Variants in GALNT2 observed in about 807,000 individuals in gnomAD.
GALNT2 encodes the protein UDP-GalNAc:polypeptide N-acetylgalactosaminyltransferase 2.
In GALNT2, 31 loss-of-function variants were observed where a neutral mutation model predicts 81.4. That is an observed-to-expected ratio of 0.38 (90% CI 0.29 to 0.51). The LOEUF (loss-of-function observed/expected upper bound fraction) is 0.51, where lower values mean the gene tolerates loss of function less well. GALNT2 is among the 20% of genes least tolerant of loss of function. The pLI, the probability that GALNT2 is intolerant of heterozygous loss-of-function variation, is 0.87. For synonymous variants in GALNT2, 303 were observed against 287.4 expected (o/e 1.05, Z -0.55); for missense variants, 629 against 765.7 (o/e 0.82, Z 2.11).
chr1:230,268,772 G>A (rs1666098130), intron 14 of GALNT2, among the ~76,000 whole-genome samples: 1 of 152,208 alleles, frequency 6.6e-6, no homozygotes, highest in African/African-American at 2.4e-5. Context: ...GCCCTCAGGA[G>A]GACAGCCTGT....
At position 230,257,033 on chromosome 1, in the gene GALNT2, G is replaced by A. The variant is rs973364439; in HGVS notation, c.1136+1689G>A. Among the ~76,000 whole-genome samples, 1 of 152,210 alleles carries A rather than the reference G, an allele frequency of 6.6e-6. No homozygotes were observed. Among genetic ancestry groups the A allele is most frequent in the African/African-American group, 2.4e-5 (1 of 41,462 alleles). On this transcript the variant is annotated intron_variant, in intron 11 of 15. Transcript: ENST00000366672. This position sits in a 1 kb window ranked among gnomAD's most constrained non-coding sequence, Gnocchi z 4.6. ...GATCCAGGCTGCTGAGGTGCGTTTG[G>A]CATATCAGCCAAATGGAAGCCAAGG...
At chr1:230,264,972 CAAAAAAAAAAAAA>C in intron 13 of GALNT2, 1 of 167,472 alleles carries the variant, frequency 6.0e-6, no homozygotes, top group Non-Finnish European at 1.2e-5. Flanking sequence ...CCTTCCTTTC[CAAAAAAAAAAAAA>C]AAAAAAAATG....
chr1:230,186,919 A>G (rs1015712179), intron 2 of GALNT2, among the ~76,000 whole-genome samples: 2 of 152,228 alleles, frequency 1.3e-5, no homozygotes, highest in African/African-American at 2.4e-5. Context: ...TTTTGTTGTT[A>G]GAAATTATTT....
rs1659225981 is a variant in GALNT2 at position 230,067,371 on chromosome 1, C to A, written c.91C>A (p.Leu31Met). Residue 31 changes from leucine (L) to methionine (M), a missense_variant, in exon 1 of 16, where the codon CTG becomes ATG. Physicochemically the swap from Leu to Met is conservative, Grantham distance 15 (BLOSUM62 2). Coordinates refer to ENST00000366672, the MANE Select transcript of GALNT2 (RefSeq NM_004481.5). ...CATGTACTCGGGGGGCGGCTCTGCG[C>A]TGGCCGGGGGCGCGGGCGGCGGCGC... ...YYMYSGGGSA[L>M]AGGAGGGAGR... 7.5e-7 allele frequency: 1 copy of A among 1,327,076 alleles called. No homozygotes were observed. The highest frequency in any genetic ancestry group is 9.7e-7 in the Non-Finnish European group (1 of 1,030,048). The allele number at this position is 1,327,076 out of a possible 1,614,324, so 82.2% of individuals were successfully genotyped here.
chr1:230,102,882 G>A (rs1317062924), intron 1 of GALNT2, among the ~76,000 whole-genome samples: 1 of 152,324 alleles, frequency 6.6e-6, no homozygotes, highest in East Asian at 1.9e-4. Flanking sequence ...GCAGTGGAGA[G>A]GCGGGGCCAT....
intron 1 of GALNT2, among the ~76,000 whole-genome samples, chr1:230,069,207 G>A (rs533646508): frequency 2.0e-5 from 3 of 152,252 alleles, no homozygotes; most frequent in African/African-American, 7.2e-5. Context: ...ATGGTGTGAG[G>A]GGTCTTCCAT....
chr1:230,189,223 G>A (rs564641528), intron 2 of GALNT2, among the ~76,000 whole-genome samples: 6 of 152,142 alleles, frequency 3.9e-5, no homozygotes, highest in Non-Finnish European at 7.4e-5. Context: ...TAGGAGAGAC[G>A]AGGGTAGGGA....
chr1:230,206,026 T>G (rs924894215), intron 3 of GALNT2, among the ~76,000 whole-genome samples: 4 of 152,210 alleles, frequency 2.6e-5, no homozygotes, highest in Non-Finnish European at 5.9e-5. Flanking sequence ...CAGAATCTAG[T>G]GCAGAAATCT....
chr1:230,062,838 T>A (rs1659081449), upstream of GALNT2, among the ~76,000 whole-genome samples: 1 of 152,186 alleles, frequency 6.6e-6, no homozygotes, highest in South Asian at 2.1e-4. Flanking sequence ...AAATATCCGT[T>A]TGAGTCGCTG....
chr1:230,172,947 A>T (rs545296725), intron 1 of GALNT2, among the ~76,000 whole-genome samples: 2 of 152,282 alleles, frequency 1.3e-5, no homozygotes, highest in South Asian at 4.1e-4. Flanking sequence ...AGGTAAGTAG[A>T]CGTCGCTCAG....
rs900300589 is a variant in GALNT2, at chr1:230,211,124, G to A, written c.374+7834G>A. Among the ~76,000 whole-genome samples, 6 of 152,168 alleles carry A rather than the reference G, an allele frequency of 3.9e-5. No individual in the cohort carries two copies. The East Asian group carries it at 7.7e-4, about 20-fold the overall frequency. The stretch of plus-strand genomic sequence containing the variant: ...GCTTTGTCCTTATGTTGTACTTCTC[G>A]GCAGCTCGCGGCGTCTCATAAACAT... On this transcript the variant is annotated intron_variant, in intron 3 of 15. Transcript: ENST00000366672.
At chr1:230,104,418 A>G (rs1660482196) in intron 1 of GALNT2, among the ~76,000 whole-genome samples, 2 of 152,176 alleles carry the variant, frequency 1.3e-5, no homozygotes, top group Non-Finnish European at 1.5e-5. Context: ...GCTGTATTTT[A>G]GCCTGATAAT....
chr1:230,166,892 G>T (rs1169115588), intron 1 of GALNT2, among the ~76,000 whole-genome samples: 1 of 152,164 alleles, frequency 6.6e-6, no homozygotes, highest in Non-Finnish European at 1.5e-5. Context: ...GCTAGTGCTA[G>T]GCCTGGGGTG....
At chr1:230,081,533 T>C (rs1379477265) in intron 1 of GALNT2, among the ~76,000 whole-genome samples, 2 of 152,224 alleles carry the variant, frequency 1.3e-5, no homozygotes, top group Non-Finnish European at 2.9e-5. Flanking sequence ...TTAGGAAATG[T>C]TCTTTCATTA....
At chr1:230,088,958 G>T (rs1258003234) in intron 1 of GALNT2, among the ~76,000 whole-genome samples, 1 of 152,000 alleles carries the variant, frequency 6.6e-6, no homozygotes, top group Non-Finnish European at 1.5e-5. Flanking sequence ...CTGCGTCTGT[G>T]GATTTATCCA....
At chr1:230,262,709 G>A in intron 12 of GALNT2, 44 bp downstream of exon 12, 1 of 1,470,762 alleles carries the variant, frequency 6.8e-7, no homozygotes, top group Non-Finnish European at 9.5e-7. Flanking sequence ...GGGATTCTTG[G>A]GGTGTGGGGG....
chr1:230,119,538 G>C (rs1046892544), intron 1 of GALNT2, among the ~76,000 whole-genome samples: 9 of 152,190 alleles, frequency 5.9e-5, no homozygotes, highest in African/African-American at 2.2e-4. Flanking sequence ...TTGATACTCA[G>C]TGTCTGTATC....
rs148726505 is a variant in GALNT2 at position 230,232,860 on chromosome 1, G to A, written c.375-3154G>A. The stretch of plus-strand genomic sequence containing the variant: ...GATGTCAGGAGCTCTAATGAGGTGC[G>A]ATATTAATTCCTGCCTGCTTTTTTC... On this transcript the variant is annotated intron_variant, in intron 3 of 15. Coordinates refer to ENST00000366672, the MANE Select transcript of GALNT2 (RefSeq NM_004481.5). Among the ~76,000 whole-genome samples the A allele has an allele frequency of 8.7e-3, 1,327 of 152,172 alleles. 13 individuals are homozygous for A. The highest frequency in any genetic ancestry group is 0.02 in the Middle Eastern group (6 of 294).
intron 3 of GALNT2, among the ~76,000 whole-genome samples, chr1:230,212,856 T>G (rs77066867): frequency 1.3e-5 from 2 of 152,210 alleles, no homozygotes; most frequent in East Asian, 3.8e-4. Context: ...TCTTTTTTTT[T>G]GGTCTATTTC....
Sources: allele counts gnomAD v4.1 joint callset (sites outside exome capture counted in the v4.1 genomes callset), GRCh38; gene constraint gnomAD v4.1.1; non-coding constraint Gnocchi (gnomAD v3.1); transcripts MANE v1.5; gene names NCBI Gene and HGNC (gene_info 2026-07-23, HGNC 2026-07-21).